PVT1: variants seen among roughly 807,000 people sequenced by gnomAD.
The protein encoded by PVT1 is Pvt1 oncogene, also known as CXCR4/PVT1 fusion.
intron 4 of PVT1, among the ~76,000 whole-genome samples, chr8:128,040,734 G>A (rs1378993201): frequency 6.6e-6 from 1 of 152,016 alleles, no homozygotes; most frequent in Non-Finnish European, 1.5e-5. Context: ...ATATGTGTTT[G>A]GGTGTGAGTG....
intron 3 of PVT1, among the ~76,000 whole-genome samples, chr8:127,929,027 G>GA (rs996929981): frequency 6.6e-6 from 1 of 152,126 alleles, no homozygotes; most frequent in Non-Finnish European, 1.5e-5. Context: ...ATTAGGAGGG[G>GA]AAAATCCTCA....
At chr8:128,062,652 A>G (rs528537395) in intron 4 of PVT1, among the ~76,000 whole-genome samples, 2 of 152,366 alleles carry the variant, frequency 1.3e-5, no homozygotes, top group Admixed American at 6.5e-5. Flanking sequence ...GTAAAAATAT[A>G]GACCTATAAA....
chr8:127,969,057 C>T (rs1429906894), intron 3 of PVT1, among the ~76,000 whole-genome samples: 2 of 152,132 alleles, frequency 1.3e-5, no homozygotes, highest in Non-Finnish European at 2.9e-5. Flanking sequence ...ACCATTTGTA[C>T]CCTGAGAATC....
chr8:128,062,343 A>G (rs1813841382), intron 4 of PVT1, among the ~76,000 whole-genome samples: 1 of 152,242 alleles, frequency 6.6e-6, no homozygotes, highest in South Asian at 2.1e-4. Context: ...TCTGAAGGCC[A>G]CATTATCTAC....
intron 4 of PVT1, among the ~76,000 whole-genome samples, chr8:128,012,363 C>G (rs1445116768): frequency 2.0e-5 from 3 of 152,160 alleles, no homozygotes; most frequent in African/African-American, 7.2e-5. Context: ...GTTTGTTTTG[C>G]ATTTTGGTAA....
At chr8:128,075,214 A>G (rs1814069831) in intron 5 of PVT1, among the ~76,000 whole-genome samples, 1 of 152,058 alleles carries the variant, frequency 6.6e-6, no homozygotes, top group South Asian at 2.1e-4. Context: ...TGAAACATGG[A>G]GATCCCTTTC....
Position 127,870,344 on chromosome 8 carries a change from G to GA in PVT1, n.373-20244dup, listed in dbSNP as rs77429956. On this transcript the variant is annotated intron_variant and non_coding_transcript_variant, in intron 2 of 10. Coordinates refer to ENST00000651587, the Ensembl canonical transcript of PVT1. ...CAGATGCCAGAAAGAGGCAAGGAAGGATCTTTCATGGAGCCTTCAGAGGGA... is the reference window on the plus strand; with the variant it reads ...CAGATGCCAGAAAGAGGCAAGGAAGGAATCTTTCATGGAGCCTTCAGAGGGA... Among the ~76,000 whole-genome samples, 47 of 152,302 alleles carry GA rather than the reference G, an allele frequency of 3.1e-4. No individual in the cohort carries two copies. The East Asian group carries it at 8.5e-3, about 28-fold the overall frequency.
At chr8:127,868,792 TACA>T in intron 2 of PVT1, among the ~76,000 whole-genome samples, 1 of 37,254 alleles carries the variant, frequency 2.7e-5, no homozygotes. Context: ...TATATATATA[TACA>T]TATATATGTA....
intron 3 of PVT1, among the ~76,000 whole-genome samples, chr8:127,967,107 G>C (rs1286996416): frequency 1.3e-5 from 2 of 152,174 alleles, no homozygotes; most frequent in African/African-American, 4.8e-5. Context: ...GTTTGTTTCT[G>C]GAGGCTCATG....
intron 3 of PVT1, among the ~76,000 whole-genome samples, chr8:127,951,290 G>A (rs1816502657): frequency 6.6e-6 from 1 of 152,180 alleles, no homozygotes. Flanking sequence ...CTACCCCAGT[G>A]CACTGCTGGA....
chr8:128,029,778 A>T (rs1264235828), intron 4 of PVT1, among the ~76,000 whole-genome samples: 1 of 152,094 alleles, frequency 6.6e-6, no homozygotes, highest in Admixed American at 6.5e-5. Context: ...CAGCCTGGGC[A>T]ACAGAGGGAG....
chr8:127,950,990 C>T (rs1288784161), intron 3 of PVT1, among the ~76,000 whole-genome samples: 4 of 152,112 alleles, frequency 2.6e-5, no homozygotes, highest in South Asian at 2.1e-4. Flanking sequence ...CTCCGCCTCC[C>T]GGATTCAAGC....
intron 3 of PVT1, among the ~76,000 whole-genome samples, chr8:127,892,083 CA>C (rs1815617516): frequency 6.6e-6 from 1 of 152,206 alleles, no homozygotes; most frequent in South Asian, 2.1e-4. Flanking sequence ...ATGTGGCGGC[CA>C]AGACCACAGT....
At chr8:128,049,380 T>C in intron 4 of PVT1, 1 of 339,818 alleles carries the variant, frequency 2.9e-6, no homozygotes, top group Non-Finnish European at 5.9e-6. Context: ...GGCAGAGCAC[T>C]TGCCTGTGTG....
chr8:128,061,188 C>T (rs373092507), intron 4 of PVT1, among the ~76,000 whole-genome samples: 32 of 152,212 alleles, frequency 2.1e-4, no homozygotes, highest in Non-Finnish European at 4.6e-4. Flanking sequence ...GGATTACAGA[C>T]GTGAGCCACC....
chr8:127,911,117 T>C (rs1281559456), intron 3 of PVT1, among the ~76,000 whole-genome samples: 1 of 152,114 alleles, frequency 6.6e-6, no homozygotes, highest in East Asian at 1.9e-4. Flanking sequence ...CCACCTCCTC[T>C]TCCTCCTGCC....
chr8:128,019,227 T>A (rs1224285630), intron 4 of PVT1, among the ~76,000 whole-genome samples: 1 of 152,362 alleles, frequency 6.6e-6, no homozygotes, highest in East Asian at 1.9e-4. Context: ...TTTTGTTTTA[T>A]GTTAATTTTT....
chr8:128,019,071 C>T (rs370916580), intron 4 of PVT1, among the ~76,000 whole-genome samples: 1 of 152,172 alleles, frequency 6.6e-6, no homozygotes, highest in Non-Finnish European at 1.5e-5. Context: ...AATGAGCAGC[C>T]GCTGACCATC....
intron 3 of PVT1, among the ~76,000 whole-genome samples, chr8:127,961,780 C>T (rs941064409): frequency 6.6e-6 from 1 of 152,222 alleles, no homozygotes; most frequent in African/African-American, 2.4e-5. Flanking sequence ...CTTTAAACCA[C>T]ACCTTCTCAA....
Sources: gnomAD v4.1 joint callset for allele counts (sites outside exome capture counted in the v4.1 genomes callset) on GRCh38, gnomAD v4.1.1 for gene constraint, MANE v1.5 for transcripts, NCBI Gene and HGNC (gene_info 2026-07-23, HGNC 2026-07-21) for gene names.